KPNA3: variants seen among roughly 807,000 people sequenced by gnomAD.
The protein encoded by KPNA3 is karyopherin subunit alpha 3, also known as importin subunit alpha-4.
In KPNA3, 13 loss-of-function variants were observed where a neutral mutation model predicts 73.8. That is an observed-to-expected ratio of 0.18 (90% CI 0.11 to 0.28). KPNA3 has a LOEUF of 0.28. Ranked by LOEUF, KPNA3 falls within the 10% of genes least tolerant of loss-of-function variation. The pLI is 1.00. For synonymous variants in KPNA3, 186 were observed against 206.9 expected (o/e 0.90, Z 0.87); for missense variants, 360 against 618.1 (o/e 0.58, Z 4.43).
intron 15 of KPNA3, among the ~76,000 whole-genome samples, chr13:49,702,916 C>T (rs1954160944): frequency 6.6e-6 from 1 of 152,116 alleles, no homozygotes; most frequent in Non-Finnish European, 1.5e-5. Flanking sequence ...GGCTGGAGTG[C>T]AGAGTGCAGA....
intron 10 of KPNA3, among the ~76,000 whole-genome samples, chr13:49,714,125 T>C (rs986489947): frequency 6.6e-6 from 1 of 152,218 alleles, no homozygotes; most frequent in African/African-American, 2.4e-5. Context: ...CAAATTTGTC[T>C]GAACCCATAG....
chr13:49,761,968 G>A (rs1161860909), intron 1 of KPNA3, among the ~76,000 whole-genome samples: 6 of 149,060 alleles, frequency 4.0e-5, no homozygotes, highest in African/African-American at 7.5e-5. Flanking sequence ...CCCGGCAGCC[G>A]CCCCATCTGA....
intron 1 of KPNA3, among the ~76,000 whole-genome samples, chr13:49,757,953 T>G (rs1319600046): frequency 6.6e-6 from 1 of 152,118 alleles, no homozygotes; most frequent in African/African-American, 2.4e-5. Flanking sequence ...CTGTGTTATA[T>G]TTTACAACTG....
intron 15 of KPNA3, among the ~76,000 whole-genome samples, chr13:49,705,395 G>A (rs1204311015): frequency 5.3e-5 from 8 of 150,926 alleles, no homozygotes; most frequent in Admixed American, 3.3e-4. Flanking sequence ...TCAATCTCTA[G>A]AAGGCTATAC....
At chr13:49,739,034 C>A (rs1326830573) in intron 2 of KPNA3, among the ~76,000 whole-genome samples, 2 of 152,114 alleles carry the variant, frequency 1.3e-5, no homozygotes, top group Admixed American at 6.5e-5. Context: ...AAATGAGTAA[C>A]TGATATGATC....
At chr13:49,726,641 G>A (rs1326550714) in intron 6 of KPNA3, among the ~76,000 whole-genome samples, 1 of 152,134 alleles carries the variant, frequency 6.6e-6, no homozygotes, top group African/African-American at 2.4e-5. Flanking sequence ...GTTAAAGGCT[G>A]ATATAGGAGA....
chr13:49,711,626 C>CA (rs1461646497), intron 10 of KPNA3, among the ~76,000 whole-genome samples: 2 of 152,144 alleles, frequency 1.3e-5, no homozygotes, highest in Admixed American at 6.5e-5. Flanking sequence ...CCTAACTTTG[C>CA]AACTACATAG....
chr13:49,748,334 A>G (rs1174093839), intron 1 of KPNA3, among the ~76,000 whole-genome samples: 1 of 152,184 alleles, frequency 6.6e-6, no homozygotes, highest in Non-Finnish European at 1.5e-5. Flanking sequence ...TGAGTTTAAG[A>G]GGATCTATCA....
chr13:49,772,369 T>C (rs1240502705), intron 1 of KPNA3, among the ~76,000 whole-genome samples: 1 of 152,216 alleles, frequency 6.6e-6, no homozygotes, highest in South Asian at 2.1e-4. Flanking sequence ...ATAAGACATC[T>C]CTACACACTT....
At position 49,792,552 on chromosome 13, in the gene KPNA3, CG is replaced by C; in HGVS notation, c.-47del. 1 of 1,129,428 alleles carries C rather than the reference CG, an allele frequency of 8.9e-7. No homozygotes were observed. Among genetic ancestry groups the C allele is most frequent in the Non-Finnish European group, 1.2e-6 (1 of 825,262 alleles). The allele number at this position is 1,129,428 out of a possible 1,614,324, so 70.0% of individuals were successfully genotyped here. Reference sequence around the variant, plus strand: ...GCGGCTACTCCTGCGGCTGCGGCGGCGGCGGCGGCGAATCTTGGAGCGGGAG... The same window carrying C: ...GCGGCTACTCCTGCGGCTGCGGCGGCGCGGCGGCGAATCTTGGAGCGGGAG... On this transcript the variant is annotated 5_prime_UTR_variant, in exon 1 of 17. Transcript: ENST00000261667.
At chr13:49,716,193 T>C (rs1954302752) in intron 10 of KPNA3, among the ~76,000 whole-genome samples, 2 of 152,278 alleles carry the variant, frequency 1.3e-5, no homozygotes, top group South Asian at 2.1e-4. Context: ...GGTCCCAGTA[T>C]GTTGCCTAGG....
At chr13:49,769,317 T>G (rs1460511205) in intron 1 of KPNA3, among the ~76,000 whole-genome samples, 2 of 152,208 alleles carry the variant, frequency 1.3e-5, no homozygotes, top group African/African-American at 2.4e-5. Context: ...GCCATAAAAT[T>G]TATCCTAAAA....
At chr13:49,728,115 G>A (rs1470032428) in intron 6 of KPNA3, among the ~76,000 whole-genome samples, 1 of 151,644 alleles carries the variant, frequency 6.6e-6, no homozygotes. Context: ...GGCACCTGTA[G>A]ACCCAGCTAC....
At position 49,792,553 on chromosome 13, in the gene KPNA3, G is replaced by T; in HGVS notation, c.-47C>A. The T allele has an allele frequency of 3.6e-6, 5 of 1,389,780 alleles. No individual in the cohort carries two copies. Among genetic ancestry groups the T allele is most frequent in the Non-Finnish European group, 5.0e-6 (5 of 1,006,220 alleles). The allele number at this position is 1,389,780 out of a possible 1,614,324, so 86.1% of individuals were successfully genotyped here. ...CGGCTACTCCTGCGGCTGCGGCGGCGGCGGCGGCGAATCTTGGAGCGGGAG... is the reference window on the plus strand; with the variant it reads ...CGGCTACTCCTGCGGCTGCGGCGGCTGCGGCGGCGAATCTTGGAGCGGGAG... On this transcript the variant is annotated 5_prime_UTR_variant, in exon 1 of 17. Coordinates refer to ENST00000261667, the MANE Select transcript of KPNA3 (RefSeq NM_002267.4).
chr13:49,726,882 G>A (rs1013249464), intron 6 of KPNA3, among the ~76,000 whole-genome samples: 1 of 152,172 alleles, frequency 6.6e-6, no homozygotes, highest in Non-Finnish European at 1.5e-5. Flanking sequence ...GAGCCTAGGA[G>A]TTTGAGGATT....
rs2137525697 is a variant in KPNA3 at position 49,700,163 on chromosome 13, G to C, written c.*1637C>G. ...TACAAGACAAAACTCACTCTTTAAA[G>C]TGGCTCCACCTTGGCAGATACATAT... On this transcript the variant is annotated 3_prime_UTR_variant, in exon 17 of 17. Transcript: ENST00000261667. The C allele has an allele frequency of 6.5e-6, 1 of 152,726 alleles. No homozygotes were observed. The highest frequency in any genetic ancestry group is 1.5e-5 in the Non-Finnish European group (1 of 68,024). 9.5% of individuals were successfully genotyped at this position (152,726 alleles called of 1,614,324 possible).
In KPNA3 at chr13:49,706,298, T is replaced by C; in HGVS notation, c.1107A>G (p.Leu369=). ...CAAGCTGATGAATTATCATAGGAAT[T>C]AATCCAGCATCTATTACAGCTTGAA... ...QQVQAVIDAG[L]IPMIIHQLAK... Residue 369 remains leucine (L), a synonymous_variant, in exon 13 of 17, where the codon TTA becomes TTG. Transcript: ENST00000261667. The C allele has an allele frequency of 6.2e-7, 1 of 1,614,098 alleles. No homozygotes were observed. The highest frequency in any genetic ancestry group is 8.5e-7 in the Non-Finnish European group (1 of 1,179,972).
intron 2 of KPNA3, among the ~76,000 whole-genome samples, chr13:49,735,667 A>G (rs1350682000): frequency 6.6e-6 from 1 of 152,112 alleles, no homozygotes; most frequent in East Asian, 1.9e-4. Flanking sequence ...TCAACACCCA[A>G]CCAATCCTTA....
chr13:49,776,665 A>G (rs1180542453), intron 1 of KPNA3, among the ~76,000 whole-genome samples: 1 of 152,236 alleles, frequency 6.6e-6, no homozygotes, highest in Non-Finnish European at 1.5e-5. Flanking sequence ...ATGAATTAGT[A>G]CACAAATTAA....
Sources: allele counts gnomAD v4.1 joint callset (sites outside exome capture counted in the v4.1 genomes callset), GRCh38; gene constraint gnomAD v4.1.1; transcripts MANE v1.5; gene names NCBI Gene and HGNC (gene_info 2026-07-23, HGNC 2026-07-21).